PLA2G4E: variants seen among roughly 807,000 people sequenced by gnomAD.
The protein encoded by PLA2G4E is cytosolic phospholipase A2 epsilon.
A neutral mutation model predicts 109.1 loss-of-function variants in PLA2G4E; 84 were observed. The ratio of observed to expected loss-of-function variants is 0.77; its 90% CI spans 0.65 to 0.92. The LOEUF (loss-of-function observed/expected upper bound fraction) is 0.92, where lower values mean the gene tolerates loss of function less well. Ranked by LOEUF, PLA2G4E falls within the 40% of genes least tolerant of loss-of-function variation. The probability of loss-of-function intolerance (pLI) is 0.00; values close to 1 mark genes in which losing one functional copy is unlikely to be tolerated. For synonymous variants in PLA2G4E, 469 were observed against 436.1 expected (o/e 1.08, Z -0.94); for missense variants, 1,057 against 1,076.6 (o/e 0.98, Z 0.25).
At chr15:41,983,934 C>T (rs1342780484) in exon 20 of PLA2G4E, 2 of 1,612,390 alleles carry the variant, frequency 1.2e-6, no homozygotes, top group South Asian at 2.2e-5. Context: ...CATAAATGTC[C>T]ACCTGGCCCT....
chr15:42,039,536 C>CGT (rs1889277859), intron 1 of PLA2G4E, among the ~76,000 whole-genome samples: 1 of 143,780 alleles, frequency 7.0e-6, no homozygotes, highest in Non-Finnish European at 1.5e-5. Context: ...TGTATGTGTA[C>CGT]GTATATATAT....
intron 17 of PLA2G4E, 69 bp downstream of exon 17, chr15:41,987,103 C>A: frequency 6.8e-7 from 1 of 1,480,808 alleles, no homozygotes; most frequent in Non-Finnish European, 9.4e-7. Context: ...TTATCCATGG[C>A]AGCCTTGACA....
chr15:41,996,780 G>A (rs1345682520), intron 11 of PLA2G4E, among the ~76,000 whole-genome samples: 2 of 152,230 alleles, frequency 1.3e-5, no homozygotes, highest in Non-Finnish European at 2.9e-5. Flanking sequence ...TTTGGGTGGA[G>A]GTGTGGGGTG....
At chr15:42,048,606 G>A (rs1240968949) in intron 1 of PLA2G4E, among the ~76,000 whole-genome samples, 4 of 152,192 alleles carry the variant, frequency 2.6e-5, no homozygotes, top group East Asian at 1.9e-4. Flanking sequence ...ATGACGGGGC[G>A]GAGGGGAGAA....
chr15:42,002,620 C>T, intron 6 of PLA2G4E, 34 bp downstream of exon 6: 1 of 1,564,046 alleles, frequency 6.4e-7, no homozygotes, highest in African/African-American at 1.4e-5. Flanking sequence ...CAGCCGTGGC[C>T]TCTGGAGCTA....
chr15:42,043,650 C>A (rs1323471607), intron 1 of PLA2G4E, among the ~76,000 whole-genome samples: 1 of 151,350 alleles, frequency 6.6e-6, no homozygotes, highest in Non-Finnish European at 1.5e-5. Flanking sequence ...ACAGGCAAGA[C>A]CCATAAGACA....
At chr15:42,035,843 A>G (rs1437164386) in intron 1 of PLA2G4E, among the ~76,000 whole-genome samples, 1 of 152,138 alleles carries the variant, frequency 6.6e-6, no homozygotes, top group Non-Finnish European at 1.5e-5. Context: ...ACTTTTTTAA[A>G]GCAACCTGAA....
chr15:41,988,605 A>C (rs2068189864), intron 15 of PLA2G4E, among the ~76,000 whole-genome samples: 1 of 152,160 alleles, frequency 6.6e-6, no homozygotes, highest in Non-Finnish European at 1.5e-5. Flanking sequence ...GGTGGGTTTT[A>C]CTCTTAAGCC....
chr15:41,996,623 G>A (rs969221519), intron 11 of PLA2G4E, among the ~76,000 whole-genome samples: 7 of 152,218 alleles, frequency 4.6e-5, no homozygotes, highest in African/African-American at 1.7e-4. Flanking sequence ...GAGGCCCACC[G>A]TCTGCTCCCG....
intron 1 of PLA2G4E, among the ~76,000 whole-genome samples, chr15:42,043,723 G>C (rs760439734): frequency 5.9e-5 from 9 of 152,150 alleles, no homozygotes; most frequent in Non-Finnish European, 1.0e-4. Context: ...CTTGGCTCTG[G>C]CACTTACTGG....
intron 10 of PLA2G4E, 153 bp from the exon 11 acceptor site, chr15:41,997,412 G>T: frequency 1.2e-6 from 1 of 824,230 alleles, no homozygotes. Flanking sequence ...CTGTAAAGTG[G>T]GGCGAATCGT....
At chr15:42,036,938 C>T (rs1024677759) in intron 1 of PLA2G4E, among the ~76,000 whole-genome samples, 2 of 152,218 alleles carry the variant, frequency 1.3e-5, no homozygotes, top group East Asian at 1.9e-4. Flanking sequence ...CCGGCGCCCA[C>T]TCCGATCTCA....
rs1478085311 is a variant in PLA2G4E, at chr15:42,030,173, T to C, written c.184-16416A>G. 4.6e-5 allele frequency among the ~76,000 whole-genome samples: 7 copies of C among 152,142 alleles called. No homozygotes were observed. In the South Asian group the frequency reaches 1.0e-3, roughly 23 times the overall value. On this transcript the variant is annotated intron_variant, in intron 1 of 19. Coordinates refer to ENST00000399518, the Ensembl canonical transcript of PLA2G4E. ...AGGGAATTAAGGAGGTTCATGGATA[T>C]GGAGTGAAAGAATCACAATCTTTCT... is the stretch of plus-strand genomic sequence containing the variant.
rs4924602 is a variant in PLA2G4E, at chr15:42,012,500, C to G, written c.256+1185G>C. ...CATCGGGTAGTGTGTGGATGTCTGG[C>G]TACAGGTCAGCCAGGCAGGTGCTCA... is the stretch of plus-strand genomic sequence containing the variant. On this transcript the variant is annotated intron_variant, in intron 2 of 19. Coordinates refer to ENST00000399518, the Ensembl canonical transcript of PLA2G4E. 9.2e-3 allele frequency among the ~76,000 whole-genome samples: 1,405 copies of G among 152,290 alleles called. 10 individuals carry two copies. Among genetic ancestry groups the G allele is most frequent in the South Asian group, 0.037 (177 of 4,828 alleles).
intron 2 of PLA2G4E, chr15:42,010,261 C>T (rs527323432): frequency 2.4e-6 from 1 of 417,714 alleles, no homozygotes; most frequent in African/African-American, 2.1e-5. Flanking sequence ...TTGATGGACC[C>T]TGTAAGAGCC....
intron 7 of PLA2G4E, 56 bp downstream of exon 7, chr15:42,001,101 A>T: frequency 1.3e-6 from 2 of 1,531,588 alleles, no homozygotes; most frequent in Non-Finnish European, 1.8e-6. Flanking sequence ...TGCTGATGGG[A>T]TTTGGAAGCA....
At chr15:42,029,296 A>C (rs914486538) in intron 1 of PLA2G4E, among the ~76,000 whole-genome samples, 1 of 152,062 alleles carries the variant, frequency 6.6e-6, no homozygotes, top group African/African-American at 2.4e-5. Flanking sequence ...GGGTTTTGCC[A>C]TGTTGCCCAG....
chr15:42,032,314 C>G (rs1889126579), intron 1 of PLA2G4E, among the ~76,000 whole-genome samples: 1 of 152,228 alleles, frequency 6.6e-6, no homozygotes, highest in Non-Finnish European at 1.5e-5. Context: ...CAGCCAAGTT[C>G]TAACAGAGAA....
intron 1 of PLA2G4E, among the ~76,000 whole-genome samples, chr15:42,036,473 G>A (rs1889217765): frequency 6.6e-6 from 1 of 152,148 alleles, no homozygotes; most frequent in Admixed American, 6.5e-5. Flanking sequence ...AGCCATTGCT[G>A]CCATCGCCGA....
Sources: allele counts gnomAD v4.1 joint callset (sites outside exome capture counted in the v4.1 genomes callset), GRCh38; gene constraint gnomAD v4.1.1; transcripts MANE v1.5; gene names NCBI Gene and HGNC (gene_info 2026-07-23, HGNC 2026-07-21).